The following MXRA7 variants were observed in gnomAD, a reference collection of about 807,000 sequenced individuals.
The protein encoded by MXRA7 is matrix remodeling associated 7, also known as matrix-remodeling-associated protein 7.
Under a neutral mutation model 17.4 loss-of-function variants are expected in MXRA7, and 18 were observed. The ratio of observed to expected loss-of-function variants is 1.03; its 90% CI spans 0.71 to 1.53. The LOEUF (loss-of-function observed/expected upper bound fraction) is 1.53, where lower values mean the gene tolerates loss of function less well. Among genes scored for constraint, MXRA7 ranks in the 40% most tolerant of loss-of-function variants. The pLI is 0.00. For missense variants in MXRA7, 141 were observed against 209.3 expected (o/e 0.67, Z 2.01); for synonymous variants, 70 against 101.7 (o/e 0.69, Z 1.87).
intron 1 of MXRA7, 138 bp from the exon 2 acceptor site, chr17:76,688,314 G>A (rs1567981745): frequency 6.8e-7 from 1 of 1,476,462 alleles, no homozygotes; most frequent in Non-Finnish European, 8.9e-7. Flanking sequence ...CCTGCCCTGT[G>A]GTCATGGTCA....
chr17:76,682,640 T>C (rs769250137), intron 3 of MXRA7, among the ~76,000 whole-genome samples: 3 of 151,980 alleles, frequency 2.0e-5, no homozygotes, highest in Non-Finnish European at 4.4e-5. Context: ...CCCCACGCAG[T>C]GCTGCGAGGG....
Position 76,701,684 on chromosome 17 carries a change from G to C in MXRA7, c.342+8921C>G, listed in dbSNP as rs555877731. Among the ~76,000 whole-genome samples, 30 of 152,206 alleles carry C rather than the reference G, an allele frequency of 2.0e-4. No individual in the cohort carries two copies. The South Asian group carries it at 5.4e-3, about 27-fold the overall frequency. Reference sequence around the variant, plus strand: ...GACAAGGAGGGAGTATGTTGTGGGTGGGGGGTGTCTGGGGAGAGACAGGAT... The same window carrying C: ...GACAAGGAGGGAGTATGTTGTGGGTCGGGGGTGTCTGGGGAGAGACAGGAT... On this transcript the variant is annotated intron_variant, in intron 1 of 3. Transcript: ENST00000449428.
At chr17:76,690,630 GA>G (rs111583852) in intron 1 of MXRA7, among the ~76,000 whole-genome samples, 3 of 147,722 alleles carry the variant, frequency 2.0e-5, no homozygotes, top group Admixed American at 6.7e-5. Flanking sequence ...GGATCACTTG[GA>G]AAAAAAAAAG....
intron 1 of MXRA7, among the ~76,000 whole-genome samples, chr17:76,694,944 G>A (rs2076517631): frequency 6.6e-6 from 1 of 152,048 alleles, no homozygotes; most frequent in Non-Finnish European, 1.5e-5. Context: ...GATCACCTGA[G>A]GTCAGCAGTT....
intron 1 of MXRA7, among the ~76,000 whole-genome samples, chr17:76,695,406 A>G (rs181729101): frequency 6.6e-6 from 1 of 151,718 alleles, no homozygotes; most frequent in Non-Finnish European, 1.5e-5. Context: ...ATAAAGCAAA[A>G]CCTTGTGCGA....
rs2076292529 is a variant in MXRA7 at position 76,680,807 on chromosome 17, T to G, written c.*60A>C. 6.3e-7 allele frequency: 1 copy of G among 1,589,206 alleles called. No individual in the cohort carries two copies. On this transcript the variant is annotated 3_prime_UTR_variant, in exon 4 of 4. Transcript: ENST00000449428. ...TCCTCTCTGGGGTTTCCGTTTTATC[T>G]CTCAAGCTTTTAAGATGCCAAAAGG...
chr17:76,700,155 A>G (rs2076574784), intron 1 of MXRA7, among the ~76,000 whole-genome samples: 1 of 152,074 alleles, frequency 6.6e-6, no homozygotes, highest in Non-Finnish European at 1.5e-5. Context: ...TATTTTTAGT[A>G]CAGACTGGGT....
In MXRA7 at chr17:76,710,592, C is replaced by T; in HGVS notation, c.342+13G>A. 2.2e-6 allele frequency: 3 copies of T among 1,343,710 alleles called. No homozygotes were observed. The highest frequency in any genetic ancestry group is 2.9e-6 in the Non-Finnish European group (3 of 1,043,798). 83.2% of individuals were successfully genotyped at this position (1,343,710 alleles called of 1,614,324 possible). ...GGGGGTGGGGAGGGGGCCGCGAGGG[C>T]CCCGGTGCGTACCTGCCTCGCCTCC... On this transcript the variant is annotated intron_variant, in intron 1 of 3. Coordinates refer to ENST00000449428, the MANE Select transcript of MXRA7 (RefSeq NM_198530.4).
intron 1 of MXRA7, among the ~76,000 whole-genome samples, chr17:76,694,227 T>G (rs1236683167): frequency 6.6e-6 from 1 of 152,120 alleles, no homozygotes; most frequent in African/African-American, 2.4e-5. Context: ...ACCATGTGCT[T>G]GTCCTGAGGC....
intron 1 of MXRA7, among the ~76,000 whole-genome samples, chr17:76,695,893 G>C (rs1011352804): frequency 1.3e-5 from 2 of 152,094 alleles, no homozygotes; most frequent in African/African-American, 4.8e-5. Context: ...AGGAGTTCAA[G>C]ACCAGCTTGG....
chr17:76,691,035 C>CT (rs1386104003), intron 1 of MXRA7, among the ~76,000 whole-genome samples: 8 of 152,180 alleles, frequency 5.3e-5, no homozygotes, highest in Admixed American at 4.6e-4. Flanking sequence ...AATGAGGTAA[C>CT]TCCTGGGTGG....
At chr17:76,695,648 C>T (rs115142168) in intron 1 of MXRA7, among the ~76,000 whole-genome samples, 1,851 of 152,146 alleles carry the variant, frequency 0.012, 39 homozygotes, top group African/African-American at 0.042. Context: ...ACGCTGGGTC[C>T]GAGATGGGCT....
intron 2 of MXRA7, among the ~76,000 whole-genome samples, chr17:76,686,411 C>T (rs1256048234): frequency 1.3e-5 from 2 of 152,094 alleles, no homozygotes; most frequent in Non-Finnish European, 2.9e-5. Context: ...ACCCGGGAGG[C>T]AGAGGTTGCA....
intron 2 of MXRA7, 31 bp downstream of exon 2, chr17:76,688,082 G>A: frequency 3.7e-6 from 6 of 1,609,762 alleles, no homozygotes; most frequent in Non-Finnish European, 5.1e-6. Context: ...ACACTGTCAG[G>A]CCCCCTCATG....
At chr17:76,684,855 AGTGCCAGGGAGGG>A (rs1480868910) in intron 3 of MXRA7, among the ~76,000 whole-genome samples, 1 of 152,098 alleles carries the variant, frequency 6.6e-6, no homozygotes, top group Non-Finnish European at 1.5e-5. Flanking sequence ...CCTTCTGGTC[AGTGCCAGGGAGGG>A]GTGCCAGGGG....
chr17:76,683,896 A>C (rs758173345), intron 3 of MXRA7: 5 of 1,614,162 alleles, frequency 3.1e-6, no homozygotes, highest in Non-Finnish European at 4.2e-6. Context: ...GGAACTTGCT[A>C]CAGGGAAGTG....
In MXRA7 at chr17:76,680,266, T is replaced by C. The variant is rs1567975398; in HGVS notation, c.*601A>G. 1.0e-6 allele frequency: 1 copy of C among 972,910 alleles called. No individual in the cohort carries two copies. Among genetic ancestry groups the C allele is most frequent in the Admixed American group, 6.2e-5 (1 of 16,200 alleles). 60.3% of individuals were successfully genotyped at this position (972,910 alleles called of 1,614,324 possible). ...TCCTCTAGATGAAAAATAAGGGGAATGGTCAAGTAAATTCCTGGTACTGGT... is the reference window on the plus strand; with the variant it reads ...TCCTCTAGATGAAAAATAAGGGGAACGGTCAAGTAAATTCCTGGTACTGGT... On this transcript the variant is annotated 3_prime_UTR_variant, in exon 4 of 4. Transcript: ENST00000449428.
chr17:76,688,623 C>T (rs1323119998), intron 1 of MXRA7: 1 of 1,245,102 alleles, frequency 8.0e-7, no homozygotes, highest in Non-Finnish European at 1.0e-6. Flanking sequence ...TGTTGTTTTC[C>T]ATCCCCAACT....
At chr17:76,682,448 T>A (rs1034701428) in intron 3 of MXRA7, among the ~76,000 whole-genome samples, 1 of 152,114 alleles carries the variant, frequency 6.6e-6, no homozygotes, top group Non-Finnish European at 1.5e-5. Flanking sequence ...TTATTTTTCA[T>A]ACTGATGATT....
Sources: allele counts gnomAD v4.1 joint callset (sites outside exome capture counted in the v4.1 genomes callset), GRCh38; gene constraint gnomAD v4.1.1; transcripts MANE v1.5; gene names NCBI Gene and HGNC (gene_info 2026-07-23, HGNC 2026-07-21).